The following GRIK2 variants were observed in gnomAD, a reference collection of about 807,000 sequenced individuals.
The protein encoded by GRIK2 is glutamate ionotropic receptor kainate type subunit 2, also known as glutamate receptor ionotropic, kainate 2.
In GRIK2, 32 loss-of-function variants were observed where a neutral mutation model predicts 100.3. The observed-to-expected ratio is 0.32, with a 90% CI of 0.24 to 0.43. The LOEUF (loss-of-function observed/expected upper bound fraction) is 0.43, where lower values mean the gene tolerates loss of function less well. GRIK2 is among the 20% of genes least tolerant of loss of function. GRIK2 has a pLI of 1.00. For missense variants in GRIK2, 843 were observed against 1,114.9 expected (o/e 0.76, Z 3.47); for synonymous variants, 417 against 389.4 (o/e 1.07, Z -0.83).
chr6:101,790,314 G>T (rs1779750698), intron 7 of GRIK2, among the ~76,000 whole-genome samples: 1 of 151,992 alleles, frequency 6.6e-6, no homozygotes, highest in South Asian at 2.1e-4. Context: ...TCCAGTTTTT[G>T]CCCATTCAGT....
intron 7 of GRIK2, among the ~76,000 whole-genome samples, chr6:101,794,345 C>T (rs1332363127): frequency 6.6e-6 from 1 of 152,058 alleles, no homozygotes; most frequent in African/African-American, 2.4e-5. Context: ...CCTATTCGGT[C>T]ATCTTGGCTT....
intron 14 of GRIK2, among the ~76,000 whole-genome samples, chr6:102,003,991 CTA>C (rs1267093171): frequency 4.0e-5 from 6 of 150,644 alleles, no homozygotes; most frequent in East Asian, 3.9e-4. Flanking sequence ...TTAATTCCAT[CTA>C]TGTTTCTGTA....
intron 7 of GRIK2, among the ~76,000 whole-genome samples, chr6:101,738,229 TGTCAAA>T (rs1347001330): frequency 2.0e-5 from 3 of 151,214 alleles, no homozygotes; most frequent in African/African-American, 7.3e-5. Flanking sequence ...AATTGACAAT[TGTCAAA>T]TGTCAATTGT....
At chr6:101,836,915 C>T (rs1164306446) in intron 10 of GRIK2, among the ~76,000 whole-genome samples, 3 of 151,908 alleles carry the variant, frequency 2.0e-5, no homozygotes, top group South Asian at 2.1e-4. Flanking sequence ...CTGCCCTCCT[C>T]GGCCTCCCAA....
chr6:101,890,306 A>G (rs1786963310), intron 12 of GRIK2: 1 of 154,578 alleles, frequency 6.5e-6, no homozygotes, highest in African/African-American at 2.4e-5. Flanking sequence ...TTCTAACTAT[A>G]AAAGGACTAC....
intron 2 of GRIK2, among the ~76,000 whole-genome samples, chr6:101,440,441 C>G (rs17061964): frequency 0.1 from 15,824 of 152,168 alleles, 907 homozygotes; most frequent in African/African-American, 0.14. Flanking sequence ...CCCAATGGTT[C>G]AGAGCCACAA....
At chr6:101,715,015 C>A (rs761827099) in intron 7 of GRIK2, among the ~76,000 whole-genome samples, 89 of 151,412 alleles carry the variant, frequency 5.9e-4, no homozygotes, top group Non-Finnish European at 1.5e-4. Context: ...ATTTCATATA[C>A]AAACGTTTTA....
At chr6:101,726,093 T>TTA (rs567594906) in intron 7 of GRIK2, among the ~76,000 whole-genome samples, 163 of 152,006 alleles carry the variant, frequency 1.1e-3, no homozygotes, top group Non-Finnish European at 2.0e-3. Context: ...AAAACTGCAC[T>TTA]TATATATATA....
At chr6:101,833,803 T>C (rs559026684) in intron 10 of GRIK2, among the ~76,000 whole-genome samples, 2 of 152,086 alleles carry the variant, frequency 1.3e-5, no homozygotes, top group Non-Finnish European at 2.9e-5. Context: ...TCTATTATAT[T>C]TAGGTATATT....
At chr6:101,758,942 C>G (rs1777310723) in intron 7 of GRIK2, among the ~76,000 whole-genome samples, 2 of 152,082 alleles carry the variant, frequency 1.3e-5, no homozygotes, top group African/African-American at 4.8e-5. Flanking sequence ...CTACTAAAAT[C>G]ATATCACCAT....
chr6:101,997,312 C>T (rs1358403725), intron 14 of GRIK2, among the ~76,000 whole-genome samples: 2 of 151,902 alleles, frequency 1.3e-5, no homozygotes, highest in African/African-American at 2.4e-5. Flanking sequence ...AGACCCATGC[C>T]CCCACTATCT....
chr6:101,856,768 CCTAA>C (rs1784446080), intron 10 of GRIK2, among the ~76,000 whole-genome samples: 1 of 151,866 alleles, frequency 6.6e-6, no homozygotes, highest in Non-Finnish European at 1.5e-5. Context: ...TGTTAGAAAT[CCTAA>C]CTAATTTTCT....
intron 2 of GRIK2, among the ~76,000 whole-genome samples, chr6:101,522,927 A>G (rs956612554): frequency 1.3e-4 from 19 of 150,492 alleles, no homozygotes; most frequent in African/African-American, 4.4e-4. Flanking sequence ...TATGTGTTAT[A>G]TATTTAATCT....
At chr6:101,694,047 G>T (rs183204176) in intron 7 of GRIK2, among the ~76,000 whole-genome samples, 1 of 152,234 alleles carries the variant, frequency 6.6e-6, no homozygotes, top group African/African-American at 2.4e-5. Context: ...GATGCCCAAT[G>T]CCCTGACAAG....
intron 2 of GRIK2, among the ~76,000 whole-genome samples, chr6:101,414,306 C>T (rs1488487285): frequency 1.3e-5 from 2 of 152,182 alleles, no homozygotes; most frequent in Non-Finnish European, 2.9e-5. Context: ...CCACTGCCCC[C>T]AGCACCAGAA....
chr6:102,012,528 A>C (rs1795605217), intron 14 of GRIK2, among the ~76,000 whole-genome samples: 2 of 152,142 alleles, frequency 1.3e-5, no homozygotes. Flanking sequence ...ATCATTCATC[A>C]GAGTATTATA....
intron 2 of GRIK2, among the ~76,000 whole-genome samples, chr6:101,490,264 C>T: frequency 6.8e-6 from 1 of 146,982 alleles, no homozygotes; most frequent in East Asian, 1.9e-4. Flanking sequence ...TAGTTATCAA[C>T]AGGGTCCTAT....
intron 2 of GRIK2, among the ~76,000 whole-genome samples, chr6:101,416,255 A>G (rs1273712711): frequency 1.3e-5 from 2 of 152,182 alleles, no homozygotes; most frequent in Non-Finnish European, 2.9e-5. Flanking sequence ...ACGGGATAAC[A>G]TAAGAATATC....
intron 14 of GRIK2, among the ~76,000 whole-genome samples, chr6:101,935,750 G>T: frequency 6.6e-6 from 1 of 151,706 alleles, no homozygotes; most frequent in Admixed American, 6.6e-5. Flanking sequence ...TTTCCTTGTT[G>T]TGAAAAAAAG....
Sources: allele counts gnomAD v4.1 joint callset (sites outside exome capture counted in the v4.1 genomes callset), GRCh38; gene constraint gnomAD v4.1.1; transcripts MANE v1.5; gene names NCBI Gene and HGNC (gene_info 2026-07-23, HGNC 2026-07-21).